The following DYNLT2 variants were observed in gnomAD, a reference collection of about 807,000 sequenced individuals.
The protein encoded by DYNLT2 is dynein light chain Tctex-type protein 2.
Under a neutral mutation model 24.3 loss-of-function variants are expected in DYNLT2, and 24 were observed. The ratio of observed to expected loss-of-function variants is 0.99; its 90% CI spans 0.71 to 1.39. The LOEUF (loss-of-function observed/expected upper bound fraction) is 1.39, where lower values mean the gene tolerates loss of function less well. Among genes scored for constraint, DYNLT2 ranks in the 40% most tolerant of loss-of-function variants. The pLI is 0.00. For synonymous variants in DYNLT2, 85 were observed against 85.4 expected (o/e 1.00, Z 0.03); for missense variants, 246 against 234.5 (o/e 1.05, Z -0.32).
At chr6:169,736,475 T>C (rs938775915), downstream of DYNLT2, among the ~76,000 whole-genome samples, 4 of 152,228 alleles carry the variant, frequency 2.6e-5, no homozygotes, top group Admixed American at 2.6e-4. Context: ...CCATATTTAG[T>C]GCTTCTTTCA....
chr6:169,743,695 A>T (rs959998895), intron 2 of DYNLT2, among the ~76,000 whole-genome samples: 1 of 152,206 alleles, frequency 6.6e-6, no homozygotes, highest in African/African-American at 2.4e-5. Context: ...GCTCATATTA[A>T]AACTACTTCT....
the DYNLT2 span, among the ~76,000 whole-genome samples, chr6:169,733,869 C>G: frequency 6.6e-6 from 1 of 152,140 alleles, no homozygotes; most frequent in African/African-American, 2.4e-5. Context: ...CTATAAATTA[C>G]TTTGGGCAGT....
chr6:169,733,783 C>A, the DYNLT2 span, among the ~76,000 whole-genome samples: 1 of 152,110 alleles, frequency 6.6e-6, no homozygotes, highest in Admixed American at 6.5e-5. Context: ...TTCTTTGATT[C>A]TATATGAAAT....
chr6:169,749,532 T>C (rs1167561958), intron 1 of DYNLT2: 1 of 152,250 alleles, frequency 6.6e-6, no homozygotes, highest in Non-Finnish European at 1.5e-5. Flanking sequence ...GTATAATTTA[T>C]TGGAAAGATA....
chr6:169,748,290 GCTC>G (rs1274959157), intron 1 of DYNLT2, among the ~76,000 whole-genome samples: 1 of 152,026 alleles, frequency 6.6e-6, no homozygotes, highest in African/African-American at 2.4e-5. Flanking sequence ...GGCTTCCCAG[GCTC>G]CTAACTCCTT....
rs529917506 is a variant in DYNLT2 at position 169,744,581 on chromosome 6, G to A, written c.121-307C>T. 3.6e-4 allele frequency among the ~76,000 whole-genome samples: 55 copies of A among 152,230 alleles called. No homozygotes were observed. In the East Asian group the frequency reaches 0.01, roughly 29 times the overall value. ...ATCCAAAGGAACTAGAAACAAGAGT[G>A]GCCTCCAGGGAGGGCAACTGAGTGG... On this transcript the variant is annotated intron_variant, in intron 1 of 3. Transcript: ENST00000366774.
the DYNLT2 span, among the ~76,000 whole-genome samples, chr6:169,734,814 G>C: frequency 2.6e-5 from 4 of 152,120 alleles, no homozygotes; most frequent in Non-Finnish European, 5.9e-5. Context: ...AAATGAGTTA[G>C]GGAGGATTCC....
rs897197319 is a variant in DYNLT2, at chr6:169,740,126, T to C, written c.*59A>G. 5.4e-6 allele frequency: 6 copies of C among 1,119,022 alleles called. No homozygotes were observed. The African/African-American group carries it at 9.3e-5, about 17-fold the overall frequency. The allele number at this position is 1,119,022 out of a possible 1,614,324, so 69.3% of individuals were successfully genotyped here. On this transcript the variant is annotated 3_prime_UTR_variant, in exon 4 of 4. Transcript: ENST00000366774. ...AAATATTATGAGGTTTACAAATATG[T>C]AAATTTCATTTATTTTTGAAAAGTT... is the stretch of plus-strand genomic sequence containing the variant.
At chr6:169,731,509 G>A in the DYNLT2 span, among the ~76,000 whole-genome samples, 1 of 152,180 alleles carries the variant, frequency 6.6e-6, no homozygotes, top group East Asian at 1.9e-4. Context: ...ATTTACTAGA[G>A]GTGCAGTTGC....
downstream of DYNLT2, among the ~76,000 whole-genome samples, chr6:169,737,712 G>A (rs930388228): frequency 7.2e-5 from 11 of 152,106 alleles, no homozygotes; most frequent in Non-Finnish European, 1.6e-4. Flanking sequence ...TGACCTTGAG[G>A]GGCACCAGCC....
At chr6:169,736,143 T>G (rs891633711), downstream of DYNLT2, among the ~76,000 whole-genome samples, 4 of 58,808 alleles carry the variant, frequency 6.8e-5, 1 homozygote, top group South Asian at 1.3e-3. Flanking sequence ...TTTTTGTTTG[T>G]TTTTTTTTTT....
chr6:169,744,725 AATT>A lies in DYNLT2; in HGVS notation c.121-454_121-452del, dbSNP rs1380812672. Among the ~76,000 whole-genome samples the A allele has an allele frequency of 9.9e-5, 15 of 152,156 alleles. 1 individual carries two copies. On this transcript the variant is annotated intron_variant, in intron 1 of 3. Transcript: ENST00000366774. ...TCATTTACTTATTTTTAAATAATACAATTATTTAGATAGCACATTCGTAAGTCT... is the reference window on the plus strand; with the variant it reads ...TCATTTACTTATTTTTAAATAATACAATTTAGATAGCACATTCGTAAGTCT...
At chr6:169,740,692 T>A (rs1789658423) in intron 3 of DYNLT2, among the ~76,000 whole-genome samples, 1 of 152,154 alleles carries the variant, frequency 6.6e-6, no homozygotes. Context: ...AATGAAGAAA[T>A]GGCAGTAACT....
At chr6:169,748,954 G>C (rs1789876729) in intron 1 of DYNLT2, among the ~76,000 whole-genome samples, 1 of 152,108 alleles carries the variant, frequency 6.6e-6, no homozygotes, top group Admixed American at 6.5e-5. Context: ...CTTTAAATAT[G>C]ATCAACTTTT....
At chr6:169,746,778 G>A (rs1454771803) in intron 1 of DYNLT2, among the ~76,000 whole-genome samples, 3 of 152,098 alleles carry the variant, frequency 2.0e-5, no homozygotes, top group African/African-American at 7.2e-5. Flanking sequence ...TGTATTAACG[G>A]AGAGGAAGCA....
chr6:169,737,032 A>C (rs1789576598), downstream of DYNLT2, among the ~76,000 whole-genome samples: 1 of 151,474 alleles, frequency 6.6e-6, no homozygotes, highest in Admixed American at 6.6e-5. Flanking sequence ...TTTTTTCTCT[A>C]TTCTTGTCTG....
chr6:169,751,377 T>C lies in DYNLT2; in HGVS notation c.82A>G (p.Arg28Gly), dbSNP rs141108786. The change falls in exon 1 of 4, where the codon AGG (arginine) becomes GGG (glycine). Residue 28 changes from arginine to glycine, a missense_variant. Arg to Gly is a moderately radical substitution (Grantham distance 125). Transcript: ENST00000366774. ...AACATGCTAGGCCTCCTTTCTTTCC[T>C]AGGCGTCACCGGAGCCTGCTGAGGG... ...QTPQQAPVTP[R>G]KERRPSMFEK... 97 of 1,614,166 alleles carry C rather than the reference T, an allele frequency of 6.0e-5. No homozygotes were observed. In the African/African-American group the frequency reaches 1.2e-3, roughly 20 times the overall value.
chr6:169,738,466 G>A (rs1789605757), downstream of DYNLT2, among the ~76,000 whole-genome samples: 1 of 152,214 alleles, frequency 6.6e-6, no homozygotes, highest in African/African-American at 2.4e-5. Context: ...ACAGTTCCAT[G>A]GAAAAACAAC....
intron 1 of DYNLT2, among the ~76,000 whole-genome samples, chr6:169,745,536 ATG>A (rs138835651): frequency 0.2 from 29,901 of 152,036 alleles, 3,873 homozygotes; most frequent in East Asian, 0.64. Context: ...GAGATTTATC[ATG>A]TGGTTTATTT....
Sources: allele counts gnomAD v4.1 joint callset (sites outside exome capture counted in the v4.1 genomes callset), GRCh38; gene constraint gnomAD v4.1.1; transcripts MANE v1.5; gene names NCBI Gene and HGNC (gene_info 2026-07-23, HGNC 2026-07-21).